HCFC1: variants seen among roughly 807,000 people sequenced by gnomAD.
The protein encoded by HCFC1 is host cell factor 1.
A neutral mutation model predicts 105.5 loss-of-function variants in HCFC1; 7 were observed. The observed-to-expected ratio is 0.07, with a 90% CI of 0.04 to 0.12. The LOEUF (loss-of-function observed/expected upper bound fraction) is 0.12. Among genes scored for constraint, HCFC1 ranks in the 10% least tolerant of loss-of-function variants. The pLI is 1.00. For synonymous variants in HCFC1, 918 were observed against 828.1 expected, an observed-to-expected ratio of 1.11 and a Z score of -1.86; for missense variants, 1,065 against 1,823.6, an observed-to-expected ratio of 0.58 and a Z score of 7.58.
chrX:153,953,763 T>C lies in HCFC1; in HGVS notation c.4341A>G (p.Pro1447=), dbSNP rs782411586. ...CCTCTCCCTGATCGCTGGCAGCAGG[T>C]GGGGGGTCTGTGGGGGCGACAGGCA... ...TSNMSSNQDP[P]PAASDQGEVE... The change falls in exon 18 of 26, where the codon CCA becomes CCG. Residue 1447 remains proline, a synonymous_variant. Transcript: ENST00000310441. The C allele has an allele frequency of 1.5e-5, 18 of 1,203,636 alleles. No individual in the cohort carries two copies. In the East Asian group the frequency reaches 5.4e-4, roughly 36 times the overall value.
intron 17 of HCFC1, 95 bp from the exon 18 acceptor site, chrX:153,953,865 G>T: frequency 2.1e-6 from 2 of 972,110 alleles, no homozygotes; most frequent in Non-Finnish European, 2.8e-6. Context: ...CCAAGGGGAG[G>T]GCCAGATAAG....
At position 153,948,265 on chromosome X, in the gene HCFC1, T is replaced by C. The variant is rs2065274481; in HGVS notation, c.*1082A>G. Reference sequence around the variant, plus strand: ...GCTCCCCTAGGCTCGACCCTATAGATGCGGAGTGATCGCCCATGAGGAATG... The same window carrying C: ...GCTCCCCTAGGCTCGACCCTATAGACGCGGAGTGATCGCCCATGAGGAATG... On this transcript the variant is annotated 3_prime_UTR_variant, in exon 26 of 26. Coordinates refer to ENST00000310441, the MANE Select transcript of HCFC1 (RefSeq NM_005334.3). 9.0e-6 allele frequency: 1 copy of C among 111,671 alleles called. No individual in the cohort carries two copies. The highest frequency in any genetic ancestry group is 3.3e-5 in the African/African-American group (1 of 30,712). The allele number at this position is 111,671 out of a possible 1,213,427, so 9.2% of individuals were successfully genotyped here.
chrX:153,970,159 G>A (rs1482489208), intron 1 of HCFC1: 2 of 110,730 alleles, frequency 1.8e-5, no homozygotes, highest in Non-Finnish European at 3.7e-5. Context: ...CGCAGGAGAA[G>A]GGAGGGAGGG....
chrX:153,951,531 T>G (rs781925172), intron 21 of HCFC1, 44 bp from the exon 22 acceptor site: 9 of 1,206,161 alleles, frequency 7.5e-6, no homozygotes, highest in African/African-American at 5.3e-5. Flanking sequence ...CCTCAGCACC[T>G]AGAGGCAGTG....
chrX:153,948,717 G>A lies in HCFC1; in HGVS notation c.*630C>T, dbSNP rs1331624777. The A allele has an allele frequency of 1.8e-5, 2 of 112,534 alleles. No individual in the cohort carries two copies. Among genetic ancestry groups the A allele is most frequent in the African/African-American group, 6.5e-5 (2 of 30,957 alleles). 9.3% of individuals were successfully genotyped at this position (112,534 alleles called of 1,213,427 possible). On this transcript the variant is annotated 3_prime_UTR_variant, in exon 26 of 26. Transcript: ENST00000310441. ...TGCCCAGGCCGCCGCGGGGCTCCTT[G>A]CCCCTTTTTTCTTTTTCCTTCTTTT...
intron 4 of HCFC1, 48 bp downstream of exon 4, chrX:153,963,177 C>A: frequency 9.5e-7 from 1 of 1,054,482 alleles, no homozygotes; most frequent in Non-Finnish European, 1.3e-6. Flanking sequence ...AGCCAAGAGG[C>A]AGACCCGCTT....
At chrX:153,950,649 T>C in intron 23 of HCFC1, 106 bp from the exon 24 acceptor site, 1 of 890,469 alleles carries the variant, frequency 1.1e-6, no homozygotes, top group East Asian at 3.1e-5. Context: ...AGATATTCCA[T>C]GTGGTAGTTC....
At position 153,952,616 on chromosome X, in the gene HCFC1, C is replaced by T; in HGVS notation, c.4840G>A (p.Val1614Met). The T allele has an allele frequency of 8.3e-7, 1 of 1,210,389 alleles. No individual in the cohort carries two copies. The highest frequency in any genetic ancestry group is 1.1e-6 in the Non-Finnish European group (1 of 894,657). The change falls in exon 19 of 26, where the codon GTG becomes ATG. Residue 1614 changes from valine (V) to methionine (M), a missense_variant. Val to Met is a conservative substitution (Grantham distance 21). Around this residue, in one of 17 missense-constraint regions of HCFC1, gnomAD observed 7 missense variants for 29.5 expected, o/e 0.24. Coordinates refer to ENST00000310441, the MANE Select transcript of HCFC1 (RefSeq NM_005334.3). ...GCAGCTGCTTCTGCAGCAGCCGTCA[C>T]TGCCAGCTCCTCGGGGGTGAGCCCC... ...VTGLTPEELA[V>M]TAAAEAAAQA...
chrX:153,960,392 G>A lies in HCFC1; in HGVS notation c.927C>T (p.Ile309=), dbSNP rs781961859. The A allele has an allele frequency of 2.5e-6, 3 of 1,199,916 alleles. No individual in the cohort carries two copies. The highest frequency in any genetic ancestry group is 3.4e-6 in the Non-Finnish European group (3 of 888,168). ...LNLDTMAWET[I]LMDTLEDNIP... ...TGTTGTCCTCCAGTGTATCCATCAG[G>A]ATGGTCTCCCAGGCCATGGTATCTG... is the stretch of plus-strand genomic sequence containing the variant. Residue 309 remains isoleucine, a synonymous_variant, in exon 7 of 26, where the codon ATC becomes ATT. Transcript: ENST00000310441.
In HCFC1 at chrX:153,949,628, G is replaced by A. The variant is rs181583112; in HGVS notation, c.6005-12C>T. 2,091 of 1,195,747 alleles carry A rather than the reference G, an allele frequency of 1.7e-3. 2 individuals carry two copies. The highest frequency in any genetic ancestry group is 8.2e-3 in the African/African-American group (467 of 57,090). On this transcript the variant is annotated splice_polypyrimidine_tract_variant and intron_variant, in intron 24 of 25. Transcript: ENST00000310441. The stretch of plus-strand genomic sequence containing the variant: ...GTCTTTACTGGTTTCTGGAAGGAAC[G>A]GGAGAGATGCGTGAGCAGCATTGTG...
chrX:153,954,992 C>T lies in HCFC1; in HGVS notation c.3407G>A (p.Arg1136His). The change falls in exon 17 of 26, where the codon CGT (arginine) becomes CAT (histidine). Residue 1136 changes from arginine to histidine, a missense_variant. Coordinates refer to ENST00000310441, the MANE Select transcript of HCFC1 (RefSeq NM_005334.3). The part of the protein sequence containing the change: ...SVGANHQRDA[R>H]RACAAGTPAV... ...AGGGGTGCCAGCTGCACAGGCCCGA[C>T]GGGCATCTCGCTGGTGGTTGGCGCC... 3.3e-6 allele frequency: 4 copies of T among 1,206,560 alleles called. No homozygotes were observed. Among genetic ancestry groups the T allele is most frequent in the Non-Finnish European group, 4.5e-6 (4 of 893,402 alleles).
At position 153,951,715 on chromosome X, in the gene HCFC1, G is replaced by C; in HGVS notation, c.5261-8C>G. 1 of 1,199,979 alleles carries C rather than the reference G, an allele frequency of 8.3e-7. No individual in the cohort carries two copies. Among genetic ancestry groups the C allele is most frequent in the Admixed American group, 2.2e-5 (1 of 44,555 alleles). On this transcript the variant is annotated splice_region_variant and splice_polypyrimidine_tract_variant and intron_variant, in intron 20 of 25. Coordinates refer to ENST00000310441, the MANE Select transcript of HCFC1 (RefSeq NM_005334.3). ...TGTTGGATGGAGCCAGGCCTAGGAAGAAAGAAGGTGTCAGCGGGAAAGACT... is the reference window on the plus strand; with the variant it reads ...TGTTGGATGGAGCCAGGCCTAGGAACAAAGAAGGTGTCAGCGGGAAAGACT...
At chrX:153,959,775 T>C (rs1376437510) in intron 8 of HCFC1, 27 bp downstream of exon 8, 1 of 1,148,708 alleles carries the variant, frequency 8.7e-7, no homozygotes, top group East Asian at 3.0e-5. Flanking sequence ...CCCCCTACTT[T>C]CAAACGTCCC....
Position 153,962,271 on chromosome X carries a change from C to A in HCFC1, c.748G>T (p.Val250Leu). ...LTWNKPSLSGVAPLPRSLHSA... is the reference protein window; with the variant it reads ...LTWNKPSLSGLAPLPRSLHSA... ...TGGAGACTGCGAGGAAGAGGCGCCA[C>A]CCCGCTGAGACTGGGCTTATTCCAC... The change falls in exon 5 of 26, where the codon GTG becomes TTG. Residue 250 changes from valine to leucine, a missense_variant. This residue lies in a region of HCFC1 where 13 missense variants were observed against 16.0 expected (regional missense o/e 0.81). Transcript: ENST00000310441. 8.3e-7 allele frequency: 1 copy of A among 1,210,522 alleles called. No individual in the cohort carries two copies. The highest frequency in any genetic ancestry group is 1.1e-6 in the Non-Finnish European group (1 of 894,580).
chrX:153,964,842 G>C, intron 1 of HCFC1, 116 bp from the exon 2 acceptor site: 1 of 771,102 alleles, frequency 1.3e-6, no homozygotes, highest in Non-Finnish European at 1.7e-6. Flanking sequence ...CCATCCCTGC[G>C]GGCGCTCTAG....
rs1392564101 is a variant in HCFC1 at position 153,971,519 on chromosome X, T to G, written c.-679A>C. 3.4e-6 allele frequency: 1 copy of G among 292,731 alleles called. No individual in the cohort carries two copies. The highest frequency in any genetic ancestry group is 5.9e-6 in the Non-Finnish European group (1 of 168,164). The allele number at this position is 292,731 out of a possible 1,213,427, so 24.1% of individuals were successfully genotyped here. A position where few individuals can be genotyped will look rare whatever the true frequency, so the allele number is the denominator to read the frequency against. ...TTGGGGGCTCGCGCCGTACGGCTTG[T>G]GAAGTCTCGCGCCTCTCCCCTTAGT... On this transcript the variant is annotated 5_prime_UTR_variant, in exon 1 of 26. Coordinates refer to ENST00000310441, the MANE Select transcript of HCFC1 (RefSeq NM_005334.3).
Position 153,953,780 on chromosome X carries a change from C to T in HCFC1, c.4334-10G>A, listed in dbSNP as rs781962383. The T allele has an allele frequency of 3.3e-5, 39 of 1,194,692 alleles. No individual in the cohort carries two copies. Among genetic ancestry groups the T allele is most frequent in the Admixed American group, 9.0e-5 (4 of 44,664 alleles). On this transcript the variant is annotated splice_polypyrimidine_tract_variant and intron_variant, in intron 17 of 25. Transcript: ENST00000310441. ...GCAGCAGGTGGGGGGTCTGTGGGGG[C>T]GACAGGCAGGCGGCTGCTCAGCAGG...
At position 153,948,950 on chromosome X, in the gene HCFC1, G is replaced by C. The variant is rs2065281985; in HGVS notation, c.*397C>G. 8.3e-6 allele frequency: 1 copy of C among 120,462 alleles called. No individual in the cohort carries two copies. The highest frequency in any genetic ancestry group is 1.7e-5 in the Non-Finnish European group (1 of 59,398). 9.9% of individuals were successfully genotyped at this position (120,462 alleles called of 1,213,427 possible). On this transcript the variant is annotated 3_prime_UTR_variant, in exon 26 of 26. Coordinates refer to ENST00000310441, the MANE Select transcript of HCFC1 (RefSeq NM_005334.3). The stretch of plus-strand genomic sequence containing the variant: ...CCAGGGTGCCAGGAAAGCCACTCTG[G>C]GGAGGGCCAAGAGGGACGCCTTTCC...
chrX:153,958,661 G>A lies in HCFC1; in HGVS notation c.1711C>T (p.Pro571Ser), dbSNP rs1219638635. ...PSSAPTVLSV[P>S]AGTTIVKTMA... is the part of the protein sequence containing the mutation. Reference sequence around the variant, plus strand: ...GTCTTCACGATGGTGGTACCCGCTGGGACACTCAGCACCGTGGGTGCCGAG... The same window carrying A: ...GTCTTCACGATGGTGGTACCCGCTGAGACACTCAGCACCGTGGGTGCCGAG... Residue 571 changes from proline to serine, a missense_variant, in exon 10 of 26, where the codon CCA becomes TCA. Pro to Ser is a moderately conservative substitution (Grantham distance 74). Around this residue, in one of 17 missense-constraint regions of HCFC1, gnomAD observed 137 missense variants for 378.2 expected, o/e 0.36. Coordinates refer to ENST00000310441, the MANE Select transcript of HCFC1 (RefSeq NM_005334.3). 1.7e-6 allele frequency: 2 copies of A among 1,205,197 alleles called. No homozygotes were observed. Among genetic ancestry groups the A allele is most frequent in the Non-Finnish European group, 2.2e-6 (2 of 891,715 alleles).
Sources: allele counts gnomAD v4.1 joint callset, GRCh38; gene constraint gnomAD v4.1.1; regional missense constraint gnomAD v4.1.1; transcripts MANE v1.5; gene names NCBI Gene and HGNC (gene_info 2026-07-23, HGNC 2026-07-21).